The following ARSB variants were observed in gnomAD, a reference collection of about 807,000 sequenced individuals.
ARSB encodes arylsulfatase B, also known as N-acetylgalactosamine-4-sulfatase.
ARSB carries 41 observed loss-of-function variants against 50.9 expected under a neutral mutation model. The observed-to-expected ratio is 0.81, with a 90% CI of 0.63 to 1.04. ARSB has a LOEUF of 1.04. Among genes scored for constraint, ARSB ranks in the 50% least tolerant of loss-of-function variants. The pLI, the probability that ARSB is intolerant of heterozygous loss-of-function variation, is 0.00. For missense variants in ARSB, 672 were observed against 693.3 expected, an observed-to-expected ratio of 0.97 and a Z score of 0.35; for synonymous variants, 269 against 284.8, an observed-to-expected ratio of 0.94 and a Z score of 0.56.
chr5:78,916,321 C>T (rs1253222410), intron 4 of ARSB, among the ~76,000 whole-genome samples: 1 of 152,208 alleles, frequency 6.6e-6, no homozygotes, highest in African/African-American at 2.4e-5. Context: ...TCTTCCCTGG[C>T]CTGTTCCAGT....
rs1436090270 is a variant in ARSB, at chr5:78,811,117, G to A, written c.1213+28239C>T. Reference sequence around the variant, plus strand: ...AGCATGCGTTTGACACTCACAACCCGCTGCCATCCTATCATCATGTTAGGT... The same window carrying A: ...AGCATGCGTTTGACACTCACAACCCACTGCCATCCTATCATCATGTTAGGT... On this transcript the variant is annotated intron_variant, in intron 6 of 7. Coordinates refer to ENST00000264914, the MANE Select transcript of ARSB (RefSeq NM_000046.5). Among the ~76,000 whole-genome samples the A allele has an allele frequency of 4.6e-5, 7 of 152,172 alleles. No individual in the cohort carries two copies. In the South Asian group the frequency reaches 8.3e-4, roughly 18 times the overall value.
chr5:78,845,259 T>C (rs781069467), intron 5 of ARSB, among the ~76,000 whole-genome samples: 22 of 152,142 alleles, frequency 1.4e-4, no homozygotes, highest in Admixed American at 5.9e-4. Flanking sequence ...ATATATACCA[T>C]ATTTTCTTCA....
Position 78,871,929 on chromosome 5 carries a change from C to T in ARSB, c.1142+13655G>A, listed in dbSNP as rs960899260. On this transcript the variant is annotated intron_variant, in intron 5 of 7. Transcript: ENST00000264914. ...CGCAACCTACTCATCTGACAAAGGG[C>T]TAATATCCAGAATCTACAATGAACT... Among the ~76,000 whole-genome samples, 28 of 150,386 alleles carry T rather than the reference C, an allele frequency of 1.9e-4. 1 individual carries two copies. Among genetic ancestry groups the T allele is most frequent in the African/African-American group, 6.3e-4 (26 of 41,264 alleles).
At chr5:78,964,392 T>A in intron 3 of ARSB, 24 bp downstream of exon 3, 1 of 1,605,930 alleles carries the variant, frequency 6.2e-7, no homozygotes, top group South Asian at 1.1e-5. Context: ...GATTTTGCTA[T>A]CAGTAAATAG....
intron 2 of ARSB, among the ~76,000 whole-genome samples, chr5:78,968,803 C>A (rs1752320998): frequency 6.6e-6 from 1 of 152,216 alleles, no homozygotes; most frequent in Admixed American, 6.5e-5. Flanking sequence ...AGAACTCCAA[C>A]AAAGGTAATG....
At chr5:78,940,561 T>C (rs962409328) in intron 4 of ARSB, among the ~76,000 whole-genome samples, 3 of 152,246 alleles carry the variant, frequency 2.0e-5, no homozygotes, top group African/African-American at 7.2e-5. Flanking sequence ...CCATTTCTTG[T>C]TTCTGTCAGG....
intron 4 of ARSB, among the ~76,000 whole-genome samples, chr5:78,894,367 T>C (rs1412556243): frequency 6.6e-6 from 1 of 152,264 alleles, no homozygotes; most frequent in Non-Finnish European, 1.5e-5. Flanking sequence ...TAATACAAGT[T>C]AAATGTTCTC....
intron 5 of ARSB, among the ~76,000 whole-genome samples, chr5:78,850,609 G>C (rs929384521): frequency 1.1e-4 from 16 of 152,262 alleles, no homozygotes; most frequent in Admixed American, 1.0e-3. Context: ...TTTTTCTATT[G>C]ATTGGAATAG....
intron 6 of ARSB, among the ~76,000 whole-genome samples, chr5:78,804,266 T>C (rs1743491235): frequency 6.6e-6 from 1 of 151,514 alleles, no homozygotes; most frequent in African/African-American, 2.4e-5. Context: ...AAAAAAAGTG[T>C]TTCACTTCAG....
At chr5:78,922,263 C>T (rs2112355447) in intron 4 of ARSB, among the ~76,000 whole-genome samples, 1 of 152,040 alleles carries the variant, frequency 6.6e-6, no homozygotes, top group African/African-American at 2.4e-5. Context: ...CAAGGGAGTG[C>T]AGCTCGCAGC....
At chr5:78,829,603 A>G (rs1321816503) in intron 6 of ARSB, among the ~76,000 whole-genome samples, 1 of 152,214 alleles carries the variant, frequency 6.6e-6, no homozygotes, top group Non-Finnish European at 1.5e-5. Context: ...AACAGACTTC[A>G]GTCTATAAAT....
Position 78,960,178 on chromosome 5 carries a change from A to G in ARSB, c.690+4238T>C, listed in dbSNP as rs145253200. On this transcript the variant is annotated intron_variant, in intron 3 of 7. Transcript: ENST00000264914. Reference sequence around the variant, plus strand: ...AATATCTAAGTATTACATAAAAGCAAGACATTATCACCTAGAGCTATTAGC... The same window carrying G: ...AATATCTAAGTATTACATAAAAGCAGGACATTATCACCTAGAGCTATTAGC... Among the ~76,000 whole-genome samples, 345 of 152,346 alleles carry G rather than the reference A, an allele frequency of 2.3e-3. 1 individual carries two copies. Among genetic ancestry groups the G allele is most frequent in the African/African-American group, 7.9e-3 (330 of 41,572 alleles).
chr5:78,965,336 ATAT>A (rs1752158741), intron 2 of ARSB, among the ~76,000 whole-genome samples: 1 of 152,090 alleles, frequency 6.6e-6, no homozygotes, highest in Non-Finnish European at 1.5e-5. Flanking sequence ...ATATTTTAAA[ATAT>A]TATATTTCTA....
intron 4 of ARSB, among the ~76,000 whole-genome samples, chr5:78,888,171 C>T (rs145568343): frequency 6.6e-6 from 1 of 152,308 alleles, no homozygotes; most frequent in East Asian, 1.9e-4. Context: ...TTTCTTCAAA[C>T]CTCCCCACAT....
intron 4 of ARSB, among the ~76,000 whole-genome samples, chr5:78,954,458 C>T (rs1751626215): frequency 6.6e-6 from 1 of 152,134 alleles, no homozygotes; most frequent in Non-Finnish European, 1.5e-5. Flanking sequence ...TTTTATTTCT[C>T]CCTTTTCTAA....
At chr5:78,793,595 A>G (rs535901231) in intron 6 of ARSB, among the ~76,000 whole-genome samples, 31 of 152,358 alleles carry the variant, frequency 2.0e-4, no homozygotes, top group South Asian at 6.2e-4. Flanking sequence ...GACAGCAGAG[A>G]GCTGAGAAGT....
chr5:78,945,572 A>G (rs764620666), intron 4 of ARSB, among the ~76,000 whole-genome samples: 1 of 152,142 alleles, frequency 6.6e-6, no homozygotes, highest in Non-Finnish European at 1.5e-5. Context: ...TTTCAGTTCT[A>G]AAGTGAAAAT....
intron 6 of ARSB, among the ~76,000 whole-genome samples, chr5:78,784,797 T>TA (rs1749033144): frequency 6.8e-6 from 1 of 147,854 alleles, no homozygotes; most frequent in African/African-American, 2.5e-5. Flanking sequence ...ATTTTATTAG[T>TA]CTTTTTTTTT....
At chr5:78,806,891 G>A (rs959116153) in intron 6 of ARSB, among the ~76,000 whole-genome samples, 8 of 152,214 alleles carry the variant, frequency 5.3e-5, no homozygotes, top group African/African-American at 1.9e-4. Context: ...GAACTCTACA[G>A]TTCCATTTAA....
Sources: allele counts gnomAD v4.1 joint callset (sites outside exome capture counted in the v4.1 genomes callset), GRCh38; gene constraint gnomAD v4.1.1; transcripts MANE v1.5; gene names NCBI Gene and HGNC (gene_info 2026-07-23, HGNC 2026-07-21).